COL20A1: variants seen among roughly 807,000 people sequenced by gnomAD.
The protein encoded by COL20A1 is collagen alpha-1(XX) chain.
In COL20A1, 164 loss-of-function variants were observed where a neutral mutation model predicts 152.9. The observed-to-expected ratio is 1.07, with a 90% confidence interval of 0.94 to 1.22. The LOEUF (loss-of-function observed/expected upper bound fraction) is 1.22. Among genes scored for constraint, COL20A1 ranks in the 50% most tolerant of loss-of-function variants. The pLI is 0.00. For synonymous variants in COL20A1, 864 were observed against 756.0 expected (o/e 1.14, Z -2.34); for missense variants, 1,873 against 1,744.8 (o/e 1.07, Z -1.31).
chr20:63,313,236 C>G lies in COL20A1; in HGVS notation c.2196C>G (p.Leu732=), dbSNP rs1055633028. 6.2e-7 allele frequency: 1 copy of G among 1,609,570 alleles called. No homozygotes were observed. The highest frequency in any genetic ancestry group is 1.7e-5 in the Admixed American group (1 of 59,868). ...GGGCCCGCAGTGACCCTGTGTCCCT[C>G]CGCTATACCCCCTGTAGGTGCCCCT... ...RDGARSDPVS[L]RYTPSTVSRS... The change falls in exon 17 of 36, where the codon CTC becomes CTG. Residue 732 remains leucine (L), a synonymous_variant. Coordinates refer to ENST00000358894, the MANE Select transcript of COL20A1 (RefSeq NM_020882.4). This position sits in a 1 kb window ranked among gnomAD's most constrained non-coding sequence, Gnocchi z 5.9.
chr20:63,315,265 T>C (rs778942501), intron 19 of COL20A1, 139 bp from the exon 20 acceptor site: 80 of 834,118 alleles, frequency 9.6e-5, no homozygotes, highest in Non-Finnish European at 1.5e-4. Flanking sequence ...GGGTGGCAGA[T>C]GGGACATAGC....
At chr20:63,307,874 C>T in intron 6 of COL20A1, 97 bp from the exon 7 acceptor site, 1 of 1,455,856 alleles carries the variant, frequency 6.9e-7, no homozygotes, top group Non-Finnish European at 9.4e-7. Context: ...GGTGACCCCA[C>T]AGAGGCACGT....
At chr20:63,309,087 C>T (rs964321477) in intron 8 of COL20A1, among the ~76,000 whole-genome samples, 7 of 152,172 alleles carry the variant, frequency 4.6e-5, no homozygotes, top group African/African-American at 9.7e-5. Context: ...GACTCACAGG[C>T]GAATCAACTC....
Position 63,329,650 on chromosome 20 carries a change from T to C in COL20A1, c.3847T>C (p.Trp1283Arg). 6.3e-7 allele frequency: 1 copy of C among 1,593,442 alleles called. No homozygotes were observed. Reference protein sequence around the residue: ...GQQGASTQGLWE With the variant: ...GQQGASTQGLRE ...GCAGGGGGCTAGCACCCAGGGCCTCTGGGAGTGACAGGTGAGCCCCTGCTG... is the reference window on the plus strand; with the variant it reads ...GCAGGGGGCTAGCACCCAGGGCCTCCGGGAGTGACAGGTGAGCCCCTGCTG... Residue 1283 changes from tryptophan (W) to arginine (R), a missense_variant, in exon 35 of 36, where the codon TGG becomes CGG. By Grantham distance (101) the Trp-to-Arg change is moderately radical (BLOSUM62 -3). Transcript: ENST00000358894.
At chr20:63,325,635 C>T in intron 28 of COL20A1, 33 bp from the exon 29 acceptor site, 2 of 1,594,258 alleles carry the variant, frequency 1.3e-6, no homozygotes, top group Admixed American at 1.7e-5. Context: ...TGACCCTGGC[C>T]CCTGCCTGGC....
intron 33 of COL20A1, 29 bp from the exon 34 acceptor site, chr20:63,328,302 T>C (rs1261220617): frequency 6.3e-7 from 1 of 1,596,214 alleles, no homozygotes; most frequent in Non-Finnish European, 8.5e-7. Flanking sequence ...GTCCCCACTG[T>C]GTCCTGCTGA....
intron 9 of COL20A1, 124 bp from the exon 10 acceptor site, chr20:63,309,634 C>G: frequency 8.1e-7 from 1 of 1,240,044 alleles, no homozygotes; most frequent in South Asian, 1.5e-5. Flanking sequence ...CACCCCCTTA[C>G]ATCTGTCCAC....
intron 3 of COL20A1, among the ~76,000 whole-genome samples, chr20:63,302,675 A>G (rs2067875625): frequency 1.3e-5 from 2 of 152,160 alleles, no homozygotes; most frequent in Non-Finnish European, 2.9e-5. Flanking sequence ...AACAGAGTCT[A>G]CACACTGTGT....
rs750143988 is a variant in COL20A1 at position 63,328,478 on chromosome 20, GC to G, written c.3763del (p.Arg1255AlafsTer158). The G allele has an allele frequency of 2.5e-6, 4 of 1,611,766 alleles. No individual in the cohort carries two copies. The South Asian group carries it at 4.4e-5, about 18-fold the overall frequency. On this transcript the variant is annotated frameshift_variant, in exon 34 of 36. Transcript: ENST00000358894. LOFTEE classifies it high-confidence loss of function. ...GTTCCTGGAGAATGGGGGCGTGGTG[GC>G]CGCCACCTTGAGGGCAGAGGTACTG... is the stretch of plus-strand genomic sequence containing the variant. The part of the protein sequence containing the change: ...ALVPGEWGRG[G>X]RHLEGRGEPG...
At position 63,311,845 on chromosome 20, in the gene COL20A1, C is replaced by G; in HGVS notation, c.1664-71C>G. 1 of 1,511,162 alleles carries G rather than the reference C, an allele frequency of 6.6e-7. No individual in the cohort carries two copies. The highest frequency in any genetic ancestry group is 2.5e-5 in the East Asian group (1 of 40,734). The allele number at this position is 1,511,162 out of a possible 1,614,324, so 93.6% of individuals were successfully genotyped here. A position where few individuals can be genotyped will look rare whatever the true frequency, so the allele number is the denominator to read the frequency against. ...GGGAGACCTCAGGCCCCCTCGGTCC[C>G]AGCCACTGCCCACCCTTGCCCCTGC... On this transcript the variant is annotated intron_variant, in intron 13 of 35. Coordinates refer to ENST00000358894, the MANE Select transcript of COL20A1 (RefSeq NM_020882.4). This position sits in a 1 kb window ranked among gnomAD's most constrained non-coding sequence, Gnocchi z 4.4.
At position 63,311,533 on chromosome 20, in the gene COL20A1, G is replaced by T. The variant is rs1240820155; in HGVS notation, c.1533G>T (p.Glu511Asp). ...CTTCCCCCAAGGGTGAAGAGGAGGA[G>T]CGAGAGGTGAGCTGGGCCGGGGGGT... ...SPASPKGEEE[E>D]REVQVGRPEV... The change falls in exon 12 of 36, where the codon GAG becomes GAT. Residue 511 changes from glutamate to aspartate, a missense_variant. Coordinates refer to ENST00000358894, the MANE Select transcript of COL20A1 (RefSeq NM_020882.4). This position sits in a 1 kb window ranked among gnomAD's most constrained non-coding sequence, Gnocchi z 4.4. 1.9e-6 allele frequency: 3 copies of T among 1,596,734 alleles called. No individual in the cohort carries two copies. In the African/African-American group the frequency reaches 4.0e-5, roughly 21 times the overall value.
intron 21 of COL20A1, among the ~76,000 whole-genome samples, chr20:63,317,039 G>A (rs770895782): frequency 1.3e-5 from 2 of 152,232 alleles, no homozygotes; most frequent in Non-Finnish European, 2.9e-5. Flanking sequence ...CGGATTTAGA[G>A]GAAGCGATCA....
chr20:63,305,479 A>C lies in COL20A1; in HGVS notation c.256A>C (p.Ser86Arg), dbSNP rs763179759. The C allele has an allele frequency of 1.7e-5, 28 of 1,601,020 alleles. No homozygotes were observed. The highest frequency in any genetic ancestry group is 2.4e-5 in the Non-Finnish European group (28 of 1,175,098). The change falls in exon 4 of 36, where the codon AGC becomes CGC. Residue 86 changes from serine (S) to arginine (R), a missense_variant. Transcript: ENST00000358894. This position sits in a 1 kb window ranked among gnomAD's most constrained non-coding sequence, Gnocchi z 4.9. ...CCCTAAGGCCACAGTGGGGGGCCTG[A>C]GCCCCTCCAAGGGCTACACCTTGCA... ...KTPKATVGGL[S>R]PSKGYTLQIF...
Position 63,307,763 on chromosome 20 carries a change from G to A in COL20A1, c.655+115G>A, listed in dbSNP as rs564687533. 4.9e-5 allele frequency: 63 copies of A among 1,291,312 alleles called. No homozygotes were observed. The Admixed American group carries it at 5.2e-4, about 11-fold the overall frequency. The allele number at this position is 1,291,312 out of a possible 1,614,324, so 80.0% of individuals were successfully genotyped here. A position where few individuals can be genotyped will look rare whatever the true frequency, so the allele number is the denominator to read the frequency against. On this transcript the variant is annotated intron_variant, in intron 6 of 35. Coordinates refer to ENST00000358894, the MANE Select transcript of COL20A1 (RefSeq NM_020882.4). Reference sequence around the variant, plus strand: ...TACCAGCCAGGGCTCTCACCTTGTGGGGTGGGACGCCTGCTCCACATGGGG... The same window carrying A: ...TACCAGCCAGGGCTCTCACCTTGTGAGGTGGGACGCCTGCTCCACATGGGG...
chr20:63,326,809 AC>A lies in COL20A1; in HGVS notation c.3516del (p.Val1173TrpfsTer29). 2 of 1,502,712 alleles carry A rather than the reference AC, an allele frequency of 1.3e-6. No homozygotes were observed. The highest frequency in any genetic ancestry group is 1.8e-6 in the Non-Finnish European group (2 of 1,137,828). The allele number at this position is 1,502,712 out of a possible 1,614,324, so 93.1% of individuals were successfully genotyped here. On this transcript the variant is annotated frameshift_variant, in exon 31 of 36. Coordinates refer to ENST00000358894, the MANE Select transcript of COL20A1 (RefSeq NM_020882.4). LOFTEE classifies it high-confidence loss of function. Reference sequence around the variant, plus strand: ...TAGTGGAGAGCGAGGACCTCCAGGGACCGTGGGGCCCACAGTAAGTGCATTT... The same window carrying A: ...TAGTGGAGAGCGAGGACCTCCAGGGACGTGGGGCCCACAGTAAGTGCATTT... Reference protein sequence around the residue: ...GTSGERGPPGTVGPTGLPGPK... With the variant: ...GTSGERGPPGXVGPTGLPGPK...
At chr20:63,312,681 G>A (rs529876149) in intron 15 of COL20A1, 111 bp from the exon 16 acceptor site, 44 of 1,458,784 alleles carry the variant, frequency 3.0e-5, no homozygotes, top group Admixed American at 1.8e-4. Flanking sequence ...ATGGGCACCC[G>A]GACGGGTGTG....
chr20:63,319,475 C>G lies in COL20A1; in HGVS notation c.2807-12C>G, dbSNP rs766387145. 26 of 1,556,460 alleles carry G rather than the reference C, an allele frequency of 1.7e-5. No homozygotes were observed. Among genetic ancestry groups the G allele is most frequent in the Non-Finnish European group, 2.2e-5 (25 of 1,149,666 alleles). On this transcript the variant is annotated splice_polypyrimidine_tract_variant and intron_variant, in intron 22 of 35. Coordinates refer to ENST00000358894, the MANE Select transcript of COL20A1 (RefSeq NM_020882.4). The surrounding 1 kb of genome is among the most constrained non-coding windows in gnomAD (Gnocchi z 4.4). ...CAGCCCGTTCTCACCTGCTCCACCC[C>G]TTCCCTGGCAGCCGGGAAGAAGTCC...
At chr20:63,326,717 G>T (rs2068254654) in intron 30 of COL20A1, 35 bp from the exon 31 acceptor site, 2 of 1,363,106 alleles carry the variant, frequency 1.5e-6, no homozygotes, top group Non-Finnish European at 1.9e-6. Flanking sequence ...TTTGCTGGGG[G>T]CCCAAGCCAA....
Position 63,312,539 on chromosome 20 carries a change from G to C in COL20A1, c.1923G>C (p.Arg641=). 1 of 1,589,028 alleles carries C rather than the reference G, an allele frequency of 6.3e-7. No individual in the cohort carries two copies. The highest frequency in any genetic ancestry group is 8.5e-7 in the Non-Finnish European group (1 of 1,170,912). ...PGGGSSTLTG[R]VTTKKAPSPS... ...GTGGCTCCTCTACGCTGACTGGCCG[G>C]GTGACCACCAGTGAGTGGGGAGAGG... Residue 641 remains arginine, a synonymous_variant, in exon 15 of 36, where the codon CGG becomes CGC. Transcript: ENST00000358894.
Sources: gnomAD v4.1 joint callset for allele counts (sites outside exome capture counted in the v4.1 genomes callset) on GRCh38, gnomAD v4.1.1 for gene constraint, Gnocchi (gnomAD v3.1) non-coding constraint, MANE v1.5 for transcripts, NCBI Gene and HGNC (gene_info 2026-07-23, HGNC 2026-07-21) for gene names.